The following EGFLAM variants were observed in gnomAD, a reference collection of about 807,000 sequenced individuals.
EGFLAM encodes pikachurin.
A neutral mutation model predicts 113.1 loss-of-function variants in EGFLAM; 79 were observed. The ratio of observed to expected loss-of-function variants is 0.70; its 90% CI spans 0.58 to 0.84. The LOEUF (loss-of-function observed/expected upper bound fraction) is 0.84. Among genes scored for constraint, EGFLAM ranks in the 40% least tolerant of loss-of-function variants. The pLI is 0.00. For synonymous variants in EGFLAM, 504 were observed against 487.6 expected (o/e 1.03, Z -0.44); for missense variants, 1,265 against 1,291.6 (o/e 0.98, Z 0.32).
intron 6 of EGFLAM, among the ~76,000 whole-genome samples, chr5:38,376,228 A>C: frequency 6.6e-6 from 1 of 152,214 alleles, no homozygotes; most frequent in East Asian, 1.9e-4. Context: ...TCTTTCATCA[A>C]GTAGAATGAA....
In EGFLAM at chr5:38,383,744, T is replaced by C. The variant is rs573500114; in HGVS notation, c.712+13282T>C. ...GGAAAAGTGAAGGGCTAAGAGGGTG[T>C]AGAGGATGGTGGGAGCTGCTGCTTG... On this transcript the variant is annotated intron_variant, in intron 6 of 21. Transcript: ENST00000322350. Among the ~76,000 whole-genome samples, 5 of 152,018 alleles carry C rather than the reference T, an allele frequency of 3.3e-5. No homozygotes were observed. The East Asian group carries it at 9.7e-4, about 29-fold the overall frequency.
chr5:38,413,992 C>T (rs765716656), intron 11 of EGFLAM, among the ~76,000 whole-genome samples: 3 of 152,116 alleles, frequency 2.0e-5, no homozygotes, highest in Admixed American at 1.3e-4. Flanking sequence ...GGAGCTCAGG[C>T]GGAGATGCTC....
intron 1 of EGFLAM, among the ~76,000 whole-genome samples, chr5:38,277,770 CA>C (rs79271284): frequency 6.6e-6 from 1 of 150,964 alleles, no homozygotes; most frequent in Non-Finnish European, 1.5e-5. Flanking sequence ...CTGAAAAAGT[CA>C]AAAAAAATCT....
chr5:38,388,620 C>T (rs1176433683), intron 6 of EGFLAM, among the ~76,000 whole-genome samples: 1 of 151,552 alleles, frequency 6.6e-6, no homozygotes, highest in African/African-American at 2.4e-5. Flanking sequence ...ATTAGCCCGG[C>T]ATGGTGGCAC....
At chr5:38,446,609 G>A (rs1742722312) in intron 17 of EGFLAM, among the ~76,000 whole-genome samples, 1 of 152,174 alleles carries the variant, frequency 6.6e-6, no homozygotes, top group Admixed American at 6.5e-5. Flanking sequence ...CTCCGGCCCT[G>A]CTAGGTCCTT....
intron 3 of EGFLAM, among the ~76,000 whole-genome samples, chr5:38,339,137 A>G (rs1231703665): frequency 2.0e-5 from 3 of 152,290 alleles, no homozygotes; most frequent in African/African-American, 7.2e-5. Flanking sequence ...TAAATGTGAT[A>G]CATTTGTATC....
chr5:38,463,452 G>A (rs1743358484), intron 21 of EGFLAM, among the ~76,000 whole-genome samples: 1 of 152,178 alleles, frequency 6.6e-6, no homozygotes, highest in Non-Finnish European at 1.5e-5. Flanking sequence ...TTCGACATCA[G>A]TGCATTTGTT....
chr5:38,302,560 G>A (rs949691542), intron 1 of EGFLAM, among the ~76,000 whole-genome samples: 2 of 152,136 alleles, frequency 1.3e-5, no homozygotes, highest in Non-Finnish European at 2.9e-5. Flanking sequence ...AGCAAGAGGA[G>A]AAGGGTTTCC....
intron 1 of EGFLAM, among the ~76,000 whole-genome samples, chr5:38,295,126 C>T (rs188655260): frequency 4.9e-4 from 74 of 152,232 alleles, no homozygotes; most frequent in African/African-American, 1.6e-3. Context: ...TGCGCCTGGC[C>T]GCAACTCATT....
chr5:38,431,072 C>T, intron 14 of EGFLAM, 105 bp from the exon 15 acceptor site: 3 of 966,340 alleles, frequency 3.1e-6, no homozygotes, highest in Non-Finnish European at 4.7e-6. Context: ...CTACCAGAAA[C>T]ACACTCACAG....
chr5:38,451,520 T>C, intron 19 of EGFLAM, 62 bp downstream of exon 19: 1 of 1,570,888 alleles, frequency 6.4e-7, no homozygotes, highest in Non-Finnish European at 8.6e-7. Context: ...TTGCAGATCA[T>C]GCCAGAGTGA....
In EGFLAM at chr5:38,416,617, A is replaced by G. The variant is rs538201274; in HGVS notation, c.1495-1449A>G. On this transcript the variant is annotated intron_variant, in intron 11 of 21. Coordinates refer to ENST00000322350, the MANE Select transcript of EGFLAM (RefSeq NM_152403.4). The stretch of plus-strand genomic sequence containing the variant: ...CACAGCAAAATAGCTACCCACCCCT[A>G]CAAGGCACTTTATGCTCTAGAAAAG... 4.9e-4 allele frequency among the ~76,000 whole-genome samples: 75 copies of G among 152,274 alleles called. No homozygotes were observed. In the South Asian group the frequency reaches 0.015, roughly 30 times the overall value.
At position 38,463,927 on chromosome 5, in the gene EGFLAM, A is replaced by G; in HGVS notation, c.2971A>G (p.Ile991Val). The stretch of plus-strand genomic sequence containing the variant: ...CTTCACCCTGTCCACCGATTACCAC[A>G]TTTCCCTCGTGGAAGATGCCGTGGA... ...SHFTLSTDYHISLVEDAVDGK... is the reference protein window; with the variant it reads ...SHFTLSTDYHVSLVEDAVDGK... The change falls in exon 22 of 22, where the codon ATT becomes GTT. Residue 991 changes from isoleucine (I) to valine (V), a missense_variant. Ile to Val is a conservative substitution (Grantham distance 29). Coordinates refer to ENST00000322350, the MANE Select transcript of EGFLAM (RefSeq NM_152403.4). 1 of 1,614,190 alleles carries G rather than the reference A, an allele frequency of 6.2e-7. No individual in the cohort carries two copies. Among genetic ancestry groups the G allele is most frequent in the Non-Finnish European group, 8.5e-7 (1 of 1,180,042 alleles).
At position 38,435,142 on chromosome 5, in the gene EGFLAM, C is replaced by T; in HGVS notation, c.2172C>T (p.Gly724=). The change falls in exon 16 of 22, where the codon GGC becomes GGT. Residue 724 remains glycine, a synonymous_variant. Coordinates refer to ENST00000322350, the MANE Select transcript of EGFLAM (RefSeq NM_152403.4). The part of the protein sequence containing the change: ...QKIVEGMAEG[G]FTQIKCNTDI... The stretch of plus-strand genomic sequence containing the variant: ...TGTTTTTAATCTTTTGGCAGGGAGG[C>T]TTCACACAGATTAAGTGCAACACAG... The T allele has an allele frequency of 6.2e-7, 1 of 1,613,854 alleles. No homozygotes were observed.
At chr5:38,461,745 A>G (rs1025986918) in intron 20 of EGFLAM, among the ~76,000 whole-genome samples, 3 of 152,194 alleles carry the variant, frequency 2.0e-5, no homozygotes, top group African/African-American at 7.2e-5. Flanking sequence ...ATTTGCTTGA[A>G]CAAGGCTCAT....
At chr5:38,334,820 C>A (rs893904119) in intron 1 of EGFLAM, among the ~76,000 whole-genome samples, 2 of 152,124 alleles carry the variant, frequency 1.3e-5, no homozygotes, top group African/African-American at 4.8e-5. Context: ...GGTTAATTTT[C>A]TAAATGTAAG....
chr5:38,330,204 A>G (rs539917161), intron 1 of EGFLAM, among the ~76,000 whole-genome samples: 1 of 142,172 alleles, frequency 7.0e-6, no homozygotes, highest in Admixed American at 7.2e-5. Flanking sequence ...CTTGTAGCCA[A>G]TATTCTGGAT....
Position 38,409,020 on chromosome 5 carries a change from G to A in EGFLAM, c.1265G>A (p.Gly422Asp). 1.3e-6 allele frequency: 2 copies of A among 1,592,144 alleles called. No homozygotes were observed. Among genetic ancestry groups the A allele is most frequent in the Non-Finnish European group, 1.7e-6 (2 of 1,168,040 alleles). ...TAATCACAGGCGGAGGCAGAGGATG[G>A]CTTACTGCTCTACTGTGGGGAGAAC... ...TLEFRAEAED[G>D]LLLYCGENEH... The change falls in exon 10 of 22, where the codon GGC becomes GAC. Residue 422 changes from glycine (G) to aspartate (D), a missense_variant. By Grantham distance (94) the Gly-to-Asp change is moderately conservative. Transcript: ENST00000322350.
intron 3 of EGFLAM, among the ~76,000 whole-genome samples, chr5:38,343,428 G>T (rs1341290211): frequency 6.7e-6 from 1 of 149,158 alleles, no homozygotes; most frequent in Non-Finnish European, 1.5e-5. Flanking sequence ...AAAAAAAAAT[G>T]AGGGGATGGA....
Sources: allele counts gnomAD v4.1 joint callset (sites outside exome capture counted in the v4.1 genomes callset), GRCh38; gene constraint gnomAD v4.1.1; transcripts MANE v1.5; gene names NCBI Gene and HGNC (gene_info 2026-07-23, HGNC 2026-07-21).